PRKCE: variants seen among roughly 807,000 people sequenced by gnomAD.
PRKCE encodes protein kinase C epsilon type.
In PRKCE, 16 loss-of-function variants were observed where a neutral mutation model predicts 85.4. The observed-to-expected ratio is 0.19, with a 90% CI of 0.13 to 0.28. The LOEUF (loss-of-function observed/expected upper bound fraction) is 0.28, where lower values mean the gene tolerates loss of function less well. Ranked by LOEUF, PRKCE falls within the 10% of genes least tolerant of loss-of-function variation. The pLI is 1.00. For synonymous variants in PRKCE, 388 were observed against 371.5 expected, an observed-to-expected ratio of 1.04 and a Z score of -0.51; for missense variants, 573 against 975.2, an observed-to-expected ratio of 0.59 and a Z score of 5.49.
At chr2:45,752,788 G>A (rs1378651687) in intron 1 of PRKCE, among the ~76,000 whole-genome samples, 5 of 152,174 alleles carry the variant, frequency 3.3e-5, no homozygotes, top group Admixed American at 3.3e-4. Flanking sequence ...TGTGCCTGGA[G>A]AAGTTGCCAG....
chr2:46,079,481 G>T (rs1668864155), intron 10 of PRKCE, among the ~76,000 whole-genome samples: 1 of 152,196 alleles, frequency 6.6e-6, no homozygotes, highest in African/African-American at 2.4e-5. Flanking sequence ...CCCCAGGAAA[G>T]ACCTGTTGAA....
chr2:45,977,684 A>G (rs989160916), intron 3 of PRKCE, among the ~76,000 whole-genome samples: 2 of 151,960 alleles, frequency 1.3e-5, no homozygotes, highest in Non-Finnish European at 2.9e-5. Context: ...TGAGATAAAG[A>G]TGATCGAAGG....
chr2:45,892,347 T>C (rs1291420910), intron 2 of PRKCE, among the ~76,000 whole-genome samples: 1 of 143,432 alleles, frequency 7.0e-6, no homozygotes, highest in East Asian at 2.1e-4. Flanking sequence ...ATTTCTCTTA[T>C]TGCTTAACAC....
At chr2:46,002,832 A>G (rs1435354035) in intron 7 of PRKCE, among the ~76,000 whole-genome samples, 2 of 152,216 alleles carry the variant, frequency 1.3e-5, no homozygotes. Flanking sequence ...ACACATTTAA[A>G]AGCTCTAGAG....
chr2:45,905,150 TC>T lies in PRKCE; in HGVS notation c.412+62089del, dbSNP rs1221411703. ...AGAGTAATGCTGGGGCAGGCCGTAG[TC>T]CAGGCCATCTCACACTGGCTAGGGC... is the stretch of plus-strand genomic sequence containing the variant. On this transcript the variant is annotated intron_variant, in intron 2 of 14. Transcript: ENST00000306156. The surrounding 1 kb of genome is among the most constrained non-coding windows in gnomAD (Gnocchi z 4.4). Among the ~76,000 whole-genome samples the T allele has an allele frequency of 2.6e-5, 4 of 152,196 alleles. No homozygotes were observed. Among genetic ancestry groups the T allele is most frequent in the African/African-American group, 9.6e-5 (4 of 41,452 alleles).
chr2:45,822,029 G>A (rs903327153), intron 1 of PRKCE, among the ~76,000 whole-genome samples: 1 of 152,188 alleles, frequency 6.6e-6, no homozygotes, highest in Non-Finnish European at 1.5e-5. Context: ...AGGACCTGTA[G>A]CCGGCTTCGG....
At chr2:45,755,703 G>T (rs1683946107) in intron 1 of PRKCE, among the ~76,000 whole-genome samples, 1 of 152,192 alleles carries the variant, frequency 6.6e-6, no homozygotes, top group African/African-American at 2.4e-5. Context: ...TCCTCCTAGG[G>T]CCCGGCTCTG....
rs367731168 is a variant in PRKCE, at chr2:45,659,719, C to G, written c.348+7271C>G. On this transcript the variant is annotated intron_variant, in intron 1 of 14. Coordinates refer to ENST00000306156, the MANE Select transcript of PRKCE (RefSeq NM_005400.3). ...CCATTTTTTTAGAATGCCCTTTTCC[C>G]AGATATCCACATGGCTCAAGTCTTC... is the stretch of plus-strand genomic sequence containing the variant. Among the ~76,000 whole-genome samples the G allele has an allele frequency of 6.4e-4, 98 of 152,212 alleles. 3 individuals are homozygous for G. In the South Asian group the frequency reaches 0.02, roughly 31 times the overall value.
At chr2:45,657,375 C>A (rs1249034318) in intron 1 of PRKCE, among the ~76,000 whole-genome samples, 1 of 152,122 alleles carries the variant, frequency 6.6e-6, no homozygotes, top group Non-Finnish European at 1.5e-5. Context: ...CATTCCTTCC[C>A]CTGTACAAAG....
intron 11 of PRKCE, among the ~76,000 whole-genome samples, chr2:46,121,045 T>A (rs910057251): frequency 6.6e-6 from 1 of 152,242 alleles, no homozygotes; most frequent in East Asian, 1.9e-4. Flanking sequence ...TAAGAAAGCA[T>A]AGGAGCCTTT....
chr2:45,966,656 C>T (rs896646093), intron 2 of PRKCE, among the ~76,000 whole-genome samples: 9 of 152,160 alleles, frequency 5.9e-5, no homozygotes, highest in Non-Finnish European at 1.3e-4. Context: ...TCAATCTAGT[C>T]CCATTTCTGC....
intron 2 of PRKCE, among the ~76,000 whole-genome samples, chr2:45,873,034 G>A (rs1305520808): frequency 6.6e-6 from 1 of 152,200 alleles, no homozygotes; most frequent in African/African-American, 2.4e-5. Context: ...TATACATTGA[G>A]TCAGCTGGAA....
intron 14 of PRKCE, among the ~76,000 whole-genome samples, chr2:46,161,225 C>A (rs1677728219): frequency 6.6e-6 from 1 of 152,116 alleles, no homozygotes; most frequent in Admixed American, 6.5e-5. Flanking sequence ...CTGCCAGTCA[C>A]CTTTAAGGAA....
chr2:45,887,840 C>A (rs1485076651), intron 2 of PRKCE, among the ~76,000 whole-genome samples: 4 of 152,218 alleles, frequency 2.6e-5, no homozygotes, highest in African/African-American at 9.6e-5. Flanking sequence ...GTCTCTGCCT[C>A]ACTTTGGCGT....
rs1358477536 is a variant in PRKCE at position 46,041,427 on chromosome 2, A to G, written c.1437+30910A>G. On this transcript the variant is annotated intron_variant, in intron 10 of 14. Coordinates refer to ENST00000306156, the MANE Select transcript of PRKCE (RefSeq NM_005400.3). This position sits in a 1 kb window ranked among gnomAD's most constrained non-coding sequence, Gnocchi z 5.5. ...CACACATTGAGTTTTCAAGAGAGAAAAACACACTTGCATATGTTTCCCTGC... is the reference window on the plus strand; with the variant it reads ...CACACATTGAGTTTTCAAGAGAGAAGAACACACTTGCATATGTTTCCCTGC... Among the ~76,000 whole-genome samples the G allele has an allele frequency of 6.6e-6, 1 of 152,238 alleles. No homozygotes were observed. The highest frequency in any genetic ancestry group is 1.5e-5 in the Non-Finnish European group (1 of 68,048).
At chr2:45,889,731 C>T (rs548029113) in intron 2 of PRKCE, among the ~76,000 whole-genome samples, 2 of 152,162 alleles carry the variant, frequency 1.3e-5, no homozygotes, top group Non-Finnish European at 2.9e-5. Context: ...GAATTATGAG[C>T]GTGCTTGTGG....
intron 11 of PRKCE, among the ~76,000 whole-genome samples, chr2:46,131,563 G>T (rs369831990): frequency 6.6e-6 from 1 of 152,172 alleles, no homozygotes; most frequent in African/African-American, 2.4e-5. Flanking sequence ...GGAAAGAGAG[G>T]GCCCAGGAAC....
chr2:45,761,712 G>A (rs2104831565), intron 1 of PRKCE, among the ~76,000 whole-genome samples: 1 of 152,164 alleles, frequency 6.6e-6, no homozygotes, highest in African/African-American at 2.4e-5. Context: ...AGCTTGCCCT[G>A]GCTTCCTGCA....
At position 45,714,033 on chromosome 2, in the gene PRKCE, T is replaced by C. The variant is rs553694096; in HGVS notation, c.348+61585T>C. On this transcript the variant is annotated intron_variant, in intron 1 of 14. Coordinates refer to ENST00000306156, the MANE Select transcript of PRKCE (RefSeq NM_005400.3). Reference sequence around the variant, plus strand: ...TTTTACCAAGTAAGAATTTGAGCAATACATTTACTGTCATAATTATTTCAT... The same window carrying C: ...TTTTACCAAGTAAGAATTTGAGCAACACATTTACTGTCATAATTATTTCAT... 2.6e-5 allele frequency among the ~76,000 whole-genome samples: 4 copies of C among 152,358 alleles called. No homozygotes were observed. The South Asian group carries it at 8.3e-4, about 32-fold the overall frequency.
Sources: allele counts gnomAD v4.1 joint callset (sites outside exome capture counted in the v4.1 genomes callset), GRCh38; gene constraint gnomAD v4.1.1; non-coding constraint Gnocchi (gnomAD v3.1); transcripts MANE v1.5; gene names NCBI Gene and HGNC (gene_info 2026-07-23, HGNC 2026-07-21).